Variants in PIK3C2G observed in about 807,000 individuals in gnomAD.
The protein encoded by PIK3C2G is phosphatidylinositol-4-phosphate 3-kinase catalytic subunit type 2 gamma, also known as phosphatidylinositol 3-kinase C2 domain-containing subunit gamma.
Under a neutral mutation model 181.1 loss-of-function variants are expected in PIK3C2G, and 168 were observed. The ratio of observed to expected loss-of-function variants is 0.93; its 90% CI spans 0.82 to 1.05. The LOEUF is 1.05. PIK3C2G is among the 50% of genes least tolerant of loss of function. PIK3C2G has a pLI of 0.00. For missense variants in PIK3C2G, 1,869 were observed against 1,732.8 expected, an observed-to-expected ratio of 1.08 and a Z score of -1.40; for synonymous variants, 573 against 592.2, an observed-to-expected ratio of 0.97 and a Z score of 0.47.
chr12:18,483,252 C>T (rs1011246978), intron 18 of PIK3C2G, among the ~76,000 whole-genome samples: 2 of 152,080 alleles, frequency 1.3e-5, no homozygotes, highest in Admixed American at 6.6e-5. Flanking sequence ...TTTGTTTAGC[C>T]CTGTGTTATG....
intron 2 of PIK3C2G, among the ~76,000 whole-genome samples, chr12:18,284,166 G>T (rs891265350): frequency 6.6e-6 from 1 of 152,168 alleles, no homozygotes; most frequent in Admixed American, 6.6e-5. Context: ...GTTTGGCTGA[G>T]AATTGGATAG....
upstream of PIK3C2G, among the ~76,000 whole-genome samples, chr12:18,244,990 A>G (rs1387933216): frequency 1.3e-5 from 2 of 152,062 alleles, no homozygotes; most frequent in Admixed American, 1.3e-4. Context: ...CTTAGTCTCA[A>G]TGTTTCAACT....
intron 1 of PIK3C2G, among the ~76,000 whole-genome samples, chr12:18,263,573 A>T (rs1948345368): frequency 6.6e-6 from 1 of 152,118 alleles, no homozygotes; most frequent in Non-Finnish European, 1.5e-5. Context: ...TTTCAAATGA[A>T]TTATTTTTAA....
intron 5 of PIK3C2G, among the ~76,000 whole-genome samples, chr12:18,304,198 T>G (rs553464216): frequency 9.4e-4 from 143 of 152,264 alleles, no homozygotes; most frequent in African/African-American, 3.4e-3. Flanking sequence ...AAATAATCCT[T>G]TTCAAAAAAC....
the PIK3C2G span, among the ~76,000 whole-genome samples, chr12:18,689,144 T>C: frequency 1.3e-5 from 2 of 152,016 alleles, no homozygotes; most frequent in African/African-American, 4.8e-5. Flanking sequence ...TCAAAGTAAC[T>C]AGAAAGAACA....
chr12:18,416,854 C>G (rs2135674998), intron 16 of PIK3C2G, among the ~76,000 whole-genome samples: 1 of 152,232 alleles, frequency 6.6e-6, no homozygotes, highest in Non-Finnish European at 1.5e-5. Flanking sequence ...CATTCTGAAG[C>G]CTTGGATCAA....
the PIK3C2G span, chr12:18,693,491 G>A: frequency 1.9e-6 from 3 of 1,609,642 alleles, no homozygotes; most frequent in Non-Finnish European, 2.5e-6. Context: ...AGCCAAAGCA[G>A]TAGCAAACCA....
the PIK3C2G span, among the ~76,000 whole-genome samples, chr12:18,704,454 T>A: frequency 6.6e-6 from 1 of 152,154 alleles, no homozygotes; most frequent in Non-Finnish European, 1.5e-5. Flanking sequence ...GTCTCCCTAG[T>A]AGCTGGGATT....
intron 29 of PIK3C2G, among the ~76,000 whole-genome samples, chr12:18,575,830 C>T (rs976764807): frequency 6.6e-6 from 1 of 152,044 alleles, no homozygotes; most frequent in Non-Finnish European, 1.5e-5. Context: ...CTATTTTTAC[C>T]CCATGTCTAG....
chr12:18,325,045 T>C lies in PIK3C2G; in HGVS notation c.1219T>C (p.Leu407=), dbSNP rs751675110. ...TTTTTTATTTTCCAGACAATGTCTCTTAACACTCATCAGAAAATATGACTT... is the reference window on the plus strand; with the variant it reads ...TTTTTTATTTTCCAGACAATGTCTCCTAACACTCATCAGAAAATATGACTT... ...HIWKVSRQCL[L]TLIRKYDFHL... Residue 407 remains leucine (L), a synonymous_variant, in exon 8 of 33, where the codon TTA becomes CTA. Coordinates refer to ENST00000538779, the MANE Select transcript of PIK3C2G (RefSeq NM_001288772.2). 2 of 1,559,278 alleles carry C rather than the reference T, an allele frequency of 1.3e-6. No individual in the cohort carries two copies. The highest frequency in any genetic ancestry group is 1.7e-5 in the Admixed American group (1 of 58,178).
intron 31 of PIK3C2G, among the ~76,000 whole-genome samples, chr12:18,612,120 TC>T (rs1435173319): frequency 4.6e-5 from 7 of 152,116 alleles, no homozygotes; most frequent in Non-Finnish European, 7.4e-5. Context: ...CCTCAGTCAC[TC>T]CGTGCCAGCC....
At chr12:18,365,844 A>G (rs1158287396) in intron 12 of PIK3C2G, among the ~76,000 whole-genome samples, 1 of 152,176 alleles carries the variant, frequency 6.6e-6, no homozygotes, top group African/African-American at 2.4e-5. Flanking sequence ...CACTCCACCT[A>G]TGGATGGCCA....
rs897398408 is a variant in PIK3C2G, at chr12:18,341,749, C to T, written c.1396-1578C>T. Reference sequence around the variant, plus strand: ...AGTTAACAATGCCAAAGCAGTCTATCCACCCACCATGAACTTAAGATTGAA... The same window carrying T: ...AGTTAACAATGCCAAAGCAGTCTATTCACCCACCATGAACTTAAGATTGAA... On this transcript the variant is annotated intron_variant, in intron 9 of 32. Coordinates refer to ENST00000538779, the MANE Select transcript of PIK3C2G (RefSeq NM_001288772.2). Among the ~76,000 whole-genome samples, 61 of 152,128 alleles carry T rather than the reference C, an allele frequency of 4.0e-4. 3 individuals are homozygous for T. Among genetic ancestry groups the T allele is most frequent in the Non-Finnish European group, 8.8e-5 (6 of 68,016 alleles).
the PIK3C2G span, among the ~76,000 whole-genome samples, chr12:18,683,901 C>G: frequency 1.7e-4 from 26 of 152,066 alleles, no homozygotes; most frequent in African/African-American, 6.3e-4. Flanking sequence ...AATGCTTATA[C>G]ATGCCAAGTT....
intron 24 of PIK3C2G, among the ~76,000 whole-genome samples, chr12:18,529,317 G>A (rs1943419945): frequency 6.6e-6 from 1 of 152,060 alleles, no homozygotes; most frequent in Admixed American, 6.6e-5. Flanking sequence ...GAAAAGGCAG[G>A]CAGAATTGCT....
At chr12:18,428,844 C>T (rs1945989320) in intron 18 of PIK3C2G, among the ~76,000 whole-genome samples, 1 of 152,088 alleles carries the variant, frequency 6.6e-6, no homozygotes, top group African/African-American at 2.4e-5. Flanking sequence ...TAAATGGGAA[C>T]CATAACATTT....
intron 9 of PIK3C2G, among the ~76,000 whole-genome samples, chr12:18,341,109 G>A (rs1939099925): frequency 6.6e-6 from 1 of 152,028 alleles, no homozygotes; most frequent in South Asian, 2.1e-4. Context: ...CAAACAACGA[G>A]GAAAATATAA....
At chr12:18,347,773 G>A (rs774464322) in intron 11 of PIK3C2G, among the ~76,000 whole-genome samples, 30 of 151,708 alleles carry the variant, frequency 2.0e-4, no homozygotes, top group Non-Finnish European at 3.7e-4. Context: ...AACTGAGATC[G>A]TGCCACTGCA....
chr12:18,659,431 G>T, the PIK3C2G span, among the ~76,000 whole-genome samples: 1 of 152,070 alleles, frequency 6.6e-6, no homozygotes, highest in Non-Finnish European at 1.5e-5. Context: ...TATCATCCCT[G>T]CATACTTAGA....
Sources: gnomAD v4.1 joint callset for allele counts (sites outside exome capture counted in the v4.1 genomes callset) on GRCh38, gnomAD v4.1.1 for gene constraint, MANE v1.5 for transcripts, NCBI Gene and HGNC (gene_info 2026-07-23, HGNC 2026-07-21) for gene names.